Variants in DPP10 observed in about 807,000 individuals in gnomAD.
DPP10 encodes the protein inactive dipeptidyl peptidase 10.
A neutral mutation model predicts 120.9 loss-of-function variants in DPP10; 33 were observed. That is an observed-to-expected ratio of 0.27 (90% CI 0.21 to 0.37). The LOEUF is 0.37. DPP10 is among the 10% of genes least tolerant of loss of function. The pLI, the probability that DPP10 is intolerant of heterozygous loss-of-function variation, is 1.00. For synonymous variants in DPP10, 337 were observed against 326.1 expected, an observed-to-expected ratio of 1.03 and a Z score of -0.36; for missense variants, 816 against 942.8, an observed-to-expected ratio of 0.87 and a Z score of 1.76.
intron 4 of DPP10, among the ~76,000 whole-genome samples, chr2:115,523,912 A>G (rs773166575): frequency 3.9e-5 from 6 of 152,144 alleles, no homozygotes; most frequent in Admixed American, 2.0e-4. Flanking sequence ...AAAACTAAAA[A>G]ACAAAATTCT....
chr2:114,619,943 C>A (rs1693970919), intron 1 of DPP10, among the ~76,000 whole-genome samples: 1 of 151,904 alleles, frequency 6.6e-6, no homozygotes, highest in South Asian at 2.1e-4. Flanking sequence ...TTTCTCCAAT[C>A]CTTTCAACTT....
intron 1 of DPP10, chr2:114,828,438 C>A (rs1465310389): frequency 6.6e-6 from 1 of 152,114 alleles, no homozygotes; most frequent in Non-Finnish European, 1.5e-5. Context: ...TTTCTACATG[C>A]ACACAAATAT....
intron 1 of DPP10, among the ~76,000 whole-genome samples, chr2:114,533,579 C>T (rs986498274): frequency 2.0e-5 from 3 of 151,222 alleles, no homozygotes; most frequent in African/African-American, 7.3e-5. Context: ...TTTACCTGTG[C>T]AACAAACCTG....
intron 1 of DPP10, among the ~76,000 whole-genome samples, chr2:114,529,057 G>A (rs912932489): frequency 6.6e-6 from 1 of 152,030 alleles, no homozygotes; most frequent in Non-Finnish European, 1.5e-5. Flanking sequence ...ATTGGGAAGG[G>A]GAGATAGGAA....
rs752991108 is a variant in DPP10 at position 114,942,298 on chromosome 2, C to CATATATATATATATATAT, written c.61-366935_61-366918dup. Among the ~76,000 whole-genome samples, 179 of 104,616 alleles carry CATATATATATATATATAT rather than the reference C, an allele frequency of 1.7e-3. 1 individual carries two copies. Among genetic ancestry groups the CATATATATATATATATAT allele is most frequent in the African/African-American group, 6.7e-3 (170 of 25,198 alleles). 68.6% of individuals were successfully genotyped at this position (104,616 alleles called of 152,430 possible). A position where few individuals can be genotyped will look rare whatever the true frequency, so the allele number is the denominator to read the frequency against. On this transcript the variant is annotated intron_variant, in intron 1 of 25. Coordinates refer to ENST00000410059, the MANE Select transcript of DPP10 (RefSeq NM_020868.6). ...AAAAAAAAAAATGTGTATATATATA[C>CATATATATATATATATAT]ATATATATATATATATATATATACA...
chr2:115,600,749 G>A (rs2083272474), intron 5 of DPP10, among the ~76,000 whole-genome samples: 1 of 152,136 alleles, frequency 6.6e-6, no homozygotes, highest in Non-Finnish European at 1.5e-5. Flanking sequence ...AGTGCAAATG[G>A]CAAATTATGC....
chr2:115,151,379 T>C (rs983575713), intron 1 of DPP10, among the ~76,000 whole-genome samples: 1 of 151,966 alleles, frequency 6.6e-6, no homozygotes, highest in African/African-American at 2.4e-5. Context: ...GTAAGTTTAA[T>C]TGATTTTTTT....
intron 21 of DPP10, among the ~76,000 whole-genome samples, chr2:115,819,544 G>A (rs1250948351): frequency 6.6e-6 from 1 of 151,948 alleles, no homozygotes; most frequent in East Asian, 1.9e-4. Context: ...TCAGTGAACT[G>A]TATTTTCTGG....
At chr2:115,668,592 T>C (rs550448406) in intron 5 of DPP10, among the ~76,000 whole-genome samples, 1 of 152,258 alleles carries the variant, frequency 6.6e-6, no homozygotes, top group East Asian at 1.9e-4. Flanking sequence ...GTTTGCTGCT[T>C]CTGGTCACTC....
intron 3 of DPP10, among the ~76,000 whole-genome samples, chr2:115,362,421 A>G (rs1368889096): frequency 6.6e-6 from 1 of 152,196 alleles, no homozygotes; most frequent in Admixed American, 6.5e-5. Flanking sequence ...TGACTTGTTC[A>G]AGAACACAGA....
At chr2:114,772,083 AG>A (rs1421757392) in intron 1 of DPP10, among the ~76,000 whole-genome samples, 1 of 151,852 alleles carries the variant, frequency 6.6e-6, no homozygotes. Flanking sequence ...AAAAGAGCTG[AG>A]ATACATAAAA....
chr2:115,064,317 G>A (rs1284231525), intron 1 of DPP10, among the ~76,000 whole-genome samples: 1 of 152,160 alleles, frequency 6.6e-6, no homozygotes, highest in African/African-American at 2.4e-5. Context: ...ATCCCAGGGA[G>A]AAGTAGTGAG....
intron 5 of DPP10, among the ~76,000 whole-genome samples, chr2:115,551,044 G>T (rs2079840065): frequency 6.6e-6 from 1 of 151,868 alleles, no homozygotes; most frequent in Non-Finnish European, 1.5e-5. Context: ...TGGAAGATCT[G>T]GCAATATTGG....
intron 1 of DPP10, among the ~76,000 whole-genome samples, chr2:114,997,292 A>C (rs1387564489): frequency 6.7e-6 from 1 of 149,738 alleles, no homozygotes; most frequent in Non-Finnish European, 1.5e-5. Flanking sequence ...GATAGAGACC[A>C]TCCTGGTCAA....
chr2:114,479,852 A>G (rs1304148691), intron 1 of DPP10, among the ~76,000 whole-genome samples: 2 of 152,218 alleles, frequency 1.3e-5, no homozygotes, highest in South Asian at 2.1e-4. Flanking sequence ...ACAAAAGCCA[A>G]AATTGACAAA....
intron 1 of DPP10, among the ~76,000 whole-genome samples, chr2:114,653,155 G>C (rs1013531907): frequency 3.3e-5 from 5 of 151,948 alleles, no homozygotes; most frequent in Non-Finnish European, 7.4e-5. Context: ...TTTGGAAAAA[G>C]TGTCTTTTGC....
chr2:115,227,925 T>C (rs1044448757), intron 1 of DPP10, among the ~76,000 whole-genome samples: 3 of 6,752 alleles, frequency 4.4e-4, no homozygotes, highest in Admixed American at 2.1e-3. Flanking sequence ...TTTTTTTTCC[T>C]TTTTTTTTTT....
At chr2:114,887,414 C>T (rs1198709845) in intron 1 of DPP10, among the ~76,000 whole-genome samples, 1 of 152,200 alleles carries the variant, frequency 6.6e-6, no homozygotes, top group Non-Finnish European at 1.5e-5. Context: ...CATCCTTTGG[C>T]TGTAAATATA....
At chr2:115,112,542 C>T (rs1330679193) in intron 1 of DPP10, among the ~76,000 whole-genome samples, 1 of 152,164 alleles carries the variant, frequency 6.6e-6, no homozygotes, top group East Asian at 1.9e-4. Context: ...ACCTCTCACA[C>T]TTACCATTTT....
Sources: gnomAD v4.1 joint callset for allele counts (sites outside exome capture counted in the v4.1 genomes callset) on GRCh38, gnomAD v4.1.1 for gene constraint, MANE v1.5 for transcripts, NCBI Gene and HGNC (gene_info 2026-07-23, HGNC 2026-07-21) for gene names.